The following CLASP1 variants were observed in gnomAD, a reference collection of about 807,000 sequenced individuals.
CLASP1 encodes CLIP-associating protein 1.
In CLASP1, 38 loss-of-function variants were observed where a neutral mutation model predicts 192.3. That is an observed-to-expected ratio of 0.20 (90% CI 0.15 to 0.26). CLASP1 has a LOEUF of 0.26. Among genes scored for constraint, CLASP1 ranks in the 10% least tolerant of loss-of-function variants. The probability of loss-of-function intolerance (pLI) is 1.00; values close to 1 mark genes in which losing one functional copy is unlikely to be tolerated. For synonymous variants in CLASP1, 691 were observed against 712.8 expected (o/e 0.97, Z 0.49); for missense variants, 1,433 against 1,932.5 (o/e 0.74, Z 4.85).
chr2:121,603,817 C>T (rs2064088867), intron 2 of CLASP1, among the ~76,000 whole-genome samples: 1 of 152,138 alleles, frequency 6.6e-6, no homozygotes, highest in Admixed American at 6.5e-5. Flanking sequence ...AAGCCAGGAA[C>T]AGAAAGTTAA....
intron 1 of CLASP1, among the ~76,000 whole-genome samples, chr2:121,612,325 T>G (rs1463777715): frequency 2.2e-5 from 3 of 138,046 alleles, no homozygotes; most frequent in African/African-American, 2.8e-5. Flanking sequence ...GGAAGAGGAG[T>G]TACAGGAGGA....
At chr2:121,425,953 G>A (rs924535789) in intron 21 of CLASP1, among the ~76,000 whole-genome samples, 18 of 152,122 alleles carry the variant, frequency 1.2e-4, no homozygotes, top group African/African-American at 4.3e-4. Flanking sequence ...AGACTAGTGT[G>A]GGCAACAACA....
At chr2:121,387,372 C>T (rs1429877170) in intron 31 of CLASP1, 144 bp from the exon 33 acceptor site, 1 of 596,498 alleles carries the variant, frequency 1.7e-6, no homozygotes, top group Non-Finnish European at 2.8e-6. Context: ...AATCATAAGG[C>T]CAATTTTAAG....
intron 2 of CLASP1, among the ~76,000 whole-genome samples, chr2:121,593,411 G>T (rs977457010): frequency 4.6e-5 from 7 of 152,076 alleles, no homozygotes; most frequent in South Asian, 2.1e-4. Context: ...CCTGAGGTCA[G>T]GAGTTCGAGA....
In CLASP1 at chr2:121,410,857, G is replaced by A; in HGVS notation, c.2424+9C>T. On this transcript the variant is annotated intron_variant, in intron 24 of 39. Coordinates refer to ENST00000263710, the Ensembl canonical transcript of CLASP1. Reference sequence around the variant, plus strand: ...AAAAGACTGTGTACATACATACTGTGCCTCTTACCAAAGCATCAGCAACAG... The same window carrying A: ...AAAAGACTGTGTACATACATACTGTACCTCTTACCAAAGCATCAGCAACAG... 1.3e-6 allele frequency: 2 copies of A among 1,556,974 alleles called. No individual in the cohort carries two copies. The highest frequency in any genetic ancestry group is 1.8e-6 in the Non-Finnish European group (2 of 1,132,124).
intron 2 of CLASP1, among the ~76,000 whole-genome samples, chr2:121,566,697 C>A (rs757516480): frequency 6.6e-6 from 1 of 152,168 alleles, no homozygotes; most frequent in Non-Finnish European, 1.5e-5. Context: ...AACTACCTAC[C>A]AATGCCAAAT....
chr2:121,412,600 T>A (rs11895883), intron 23 of CLASP1, among the ~76,000 whole-genome samples: 44,807 of 148,978 alleles, frequency 0.3, 10,468 homozygotes, highest in African/African-American at 0.65. Context: ...TAATAAAATT[T>A]AAAAAAAAAA....
intron 2 of CLASP1, among the ~76,000 whole-genome samples, chr2:121,597,470 GTA>G (rs1277683118): frequency 1.3e-5 from 2 of 152,150 alleles, no homozygotes; most frequent in Non-Finnish European, 1.5e-5. Context: ...GAGATAGTGT[GTA>G]TGTGTGTGTG....
chr2:121,428,095 A>G (rs1192190845), intron 20 of CLASP1, among the ~76,000 whole-genome samples: 1 of 152,204 alleles, frequency 6.6e-6, no homozygotes, highest in African/African-American at 2.4e-5. Context: ...AAAACTAAGG[A>G]ATTTTAAAAG....
intron 39 of CLASP1, among the ~76,000 whole-genome samples, chr2:121,345,262 A>G (rs1192215139): frequency 6.6e-6 from 1 of 152,164 alleles, no homozygotes; most frequent in Non-Finnish European, 1.5e-5. Flanking sequence ...TGGGGGAGGG[A>G]AGGCGCTGGC....
intron 2 of CLASP1, among the ~76,000 whole-genome samples, chr2:121,575,398 T>C (rs2060415322): frequency 6.6e-6 from 1 of 152,298 alleles, no homozygotes; most frequent in African/African-American, 2.4e-5. Flanking sequence ...TGAGCCACCA[T>C]ACCCAGCTAC....
intron 9 of CLASP1, among the ~76,000 whole-genome samples, chr2:121,464,772 G>A (rs571787620): frequency 5.9e-5 from 9 of 152,130 alleles, no homozygotes; most frequent in Middle Eastern, 3.4e-3. Context: ...AGTAGGTTGC[G>A]AAAATTTTCT....
chr2:121,507,518 G>T (rs1371867775), intron 7 of CLASP1, among the ~76,000 whole-genome samples: 1 of 152,126 alleles, frequency 6.6e-6, no homozygotes, highest in Non-Finnish European at 1.5e-5. Context: ...AGGAGATACG[G>T]TACTTTTCAA....
At position 121,621,872 on chromosome 2, in the gene CLASP1, G is replaced by A. The variant is rs183890391; in HGVS notation, c.-285-15692C>T. On this transcript the variant is annotated intron_variant, in intron 1 of 39. Transcript: ENST00000263710. ...TGTTTGTTTGTTTGTTTATGAGACG[G>A]AGTCTCACTCTGTCACCCAGGCTGG... is the stretch of plus-strand genomic sequence containing the variant. Among the ~76,000 whole-genome samples the A allele has an allele frequency of 3.9e-5, 6 of 152,218 alleles. No homozygotes were observed. The East Asian group carries it at 1.2e-3, about 29-fold the overall frequency.
chr2:121,442,481 C>CTTTTTTTTTTTTTTTTT (rs761873166), intron 19 of CLASP1, among the ~76,000 whole-genome samples: 97 of 144,406 alleles, frequency 6.7e-4, no homozygotes, highest in East Asian at 3.9e-3. Flanking sequence ...AAATTTCTTT[C>CTTTTTTTTTTTTTTTTT]TTTTTTTTTT....
In CLASP1 at chr2:121,527,652, T is replaced by C. The variant is rs1406106992; in HGVS notation, c.470+147A>G. 26 of 628,694 alleles carry C rather than the reference T, an allele frequency of 4.1e-5. No individual in the cohort carries two copies. In the South Asian group the frequency reaches 4.8e-4, roughly 12 times the overall value. 38.9% of individuals were successfully genotyped at this position (628,694 alleles called of 1,614,324 possible). On this transcript the variant is annotated intron_variant, in intron 5 of 39. Transcript: ENST00000263710. ...GATGCTGTACTATAGTTATTCAAGG[T>C]GCTAACACTGGGCAAGGGTGGGTAA...
exon 32 of CLASP1, chr2:121,387,179 C>T (rs2073399838): frequency 6.8e-6 from 11 of 1,612,266 alleles, no homozygotes; most frequent in African/African-American, 1.3e-5. Flanking sequence ...GCTGGTCCTG[C>T]TGCTGGTGTG....
chr2:121,465,305 A>G (rs2089303860), intron 9 of CLASP1, among the ~76,000 whole-genome samples: 1 of 152,212 alleles, frequency 6.6e-6, no homozygotes, highest in Admixed American at 6.5e-5. Flanking sequence ...TCAAGCTGAT[A>G]AGCAAGTTCA....
At position 121,464,059 on chromosome 2, in the gene CLASP1, T is replaced by C. The variant is rs965391047; in HGVS notation, c.866-1454A>G. ...CCCTTCCTGTGTCCATGTGTTCTCATTGTTCAATTCCCACCTATGAGTGAG... is the reference window on the plus strand; with the variant it reads ...CCCTTCCTGTGTCCATGTGTTCTCACTGTTCAATTCCCACCTATGAGTGAG... On this transcript the variant is annotated intron_variant, in intron 9 of 39. Coordinates refer to ENST00000263710, the Ensembl canonical transcript of CLASP1. 9.1e-5 allele frequency among the ~76,000 whole-genome samples: 13 copies of C among 143,024 alleles called. No individual in the cohort carries two copies. The East Asian group carries it at 1.3e-3, about 14-fold the overall frequency. The allele number at this position is 143,024 out of a possible 152,430, so 93.8% of individuals were successfully genotyped here.
Sources: gnomAD v4.1 joint callset for allele counts (sites outside exome capture counted in the v4.1 genomes callset) on GRCh38, gnomAD v4.1.1 for gene constraint, MANE v1.5 for transcripts, NCBI Gene and HGNC (gene_info 2026-07-23, HGNC 2026-07-21) for gene names.